Variants in DHRS12 observed in about 807,000 individuals in gnomAD.
DHRS12 encodes dehydrogenase/reductase SDR family member 12.
A neutral mutation model predicts 32.1 loss-of-function variants in DHRS12; 29 were observed. The ratio of observed to expected loss-of-function variants is 0.90; its 90% confidence interval spans 0.67 to 1.23. The LOEUF (loss-of-function observed/expected upper bound fraction) is 1.23. Ranked by LOEUF, DHRS12 falls within the 50% of genes most tolerant of loss-of-function variation. DHRS12 has a pLI of 0.00. For synonymous variants in DHRS12, 150 were observed against 135.9 expected (o/e 1.10, Z -0.72); for missense variants, 330 against 337.2 (o/e 0.98, Z 0.17).
chr13:51,763,192 T>C (rs1953643408), downstream of DHRS12: 1 of 152,196 alleles, frequency 6.6e-6, no homozygotes, highest in Non-Finnish European at 1.5e-5. Context: ...TGAACATTAC[T>C]TAGTAATGGC....
rs1955255699 is a variant in DHRS12, at chr13:51,791,270, GCA to G, written c.127-15_127-14del. The G allele has an allele frequency of 1.8e-6, 2 of 1,097,002 alleles. No homozygotes were observed. Among genetic ancestry groups the G allele is most frequent in the Admixed American group, 3.6e-5 (1 of 28,044 alleles). The allele number at this position is 1,097,002 out of a possible 1,614,324, so 68.0% of individuals were successfully genotyped here. A position where few individuals can be genotyped will look rare whatever the true frequency, so the allele number is the denominator to read the frequency against. On this transcript the variant is annotated splice_polypyrimidine_tract_variant and intron_variant, in intron 2 of 8. Transcript: ENST00000444610. ...GCAGAAAAATGTTCTAAATTAGAAAGCAAAAAAAAAAAAAACCCTTTTTAAAA... is the reference window on the plus strand; with the variant it reads ...GCAGAAAAATGTTCTAAATTAGAAAGAAAAAAAAAAAAACCCTTTTTAAAA...
rs185992242 is a variant in DHRS12 at position 51,797,846 on chromosome 13, T to C, written c.126+1688A>G. 1.8e-4 allele frequency: 283 copies of C among 1,535,630 alleles called. 1 individual carries two copies. Among genetic ancestry groups the C allele is most frequent in the Non-Finnish European group, 2.3e-4 (260 of 1,146,898 alleles). On this transcript the variant is annotated intron_variant, in intron 2 of 8. Transcript: ENST00000444610. ...CTCACCTGGTTACCGCTCTCCCGGATGATCTCACCCCTGGCATCTTCTGCT... is the reference window on the plus strand; with the variant it reads ...CTCACCTGGTTACCGCTCTCCCGGACGATCTCACCCCTGGCATCTTCTGCT...
At chr13:51,769,363 T>TTA (rs1953906983) in intron 7 of DHRS12, 70 bp from the exon 8 acceptor site, 1 of 1,013,028 alleles carries the variant, frequency 9.9e-7, no homozygotes, top group South Asian at 1.9e-5. Context: ...TCCCTTAATT[T>TTA]AAAAAAAAAA....
At chr13:51,767,919 C>G (rs1953822498), downstream of DHRS12, 2 of 1,165,070 alleles carry the variant, frequency 1.7e-6, no homozygotes, top group South Asian at 4.1e-5. Flanking sequence ...TGGTTCATCT[C>G]AAACTTCGAA....
intron 2 of DHRS12, among the ~76,000 whole-genome samples, chr13:51,795,059 C>G (rs563301853): frequency 2.7e-4 from 41 of 152,266 alleles, no homozygotes; most frequent in Admixed American, 2.0e-3. Flanking sequence ...CTCTATATGG[C>G]CAAACACCTG....
chr13:51,789,528 C>T (rs1222875699), intron 4 of DHRS12: 2 of 985,188 alleles, frequency 2.0e-6, no homozygotes, highest in African/African-American at 1.7e-5. Context: ...GGTCTGGGAA[C>T]CCCACTTGGA....
At chr13:51,774,536 TGTATTCTACA>T (rs200389204) in intron 5 of DHRS12, 1 of 29,132 alleles carries the variant, frequency 3.4e-5, no homozygotes, top group Non-Finnish European at 6.5e-5. Context: ...TTCTCCTACA[TGTATTCTACA>T]GTATTCTCCT....
At chr13:51,797,509 G>A (rs1042242458) in intron 2 of DHRS12, among the ~76,000 whole-genome samples, 11 of 152,190 alleles carry the variant, frequency 7.2e-5, no homozygotes, top group African/African-American at 2.7e-4. Flanking sequence ...GCTGTGTGTT[G>A]CTGATGTGGG....
chr13:51,791,342 T>A, intron 2 of DHRS12, 85 bp from the exon 3 acceptor site: 2 of 785,144 alleles, frequency 2.5e-6, no homozygotes, highest in Non-Finnish European at 3.9e-6. Context: ...ATACGGTTTT[T>A]AAAAAGCAAA....
Position 51,769,072 on chromosome 13 carries a change from CACG to C in DHRS12, c.697+81_697+83del, listed in dbSNP as rs960554400. On this transcript the variant is annotated intron_variant, in intron 8 of 8. Transcript: ENST00000444610. ...CAGGGGACAGTCCCACCCCAGGTTT[CACG>C]GAGGGGAAGGTGCGCCTCGAAGGCC... The C allele has an allele frequency of 7.1e-6, 11 of 1,538,514 alleles. No individual in the cohort carries two copies. In the African/African-American group the frequency reaches 1.5e-4, roughly 21 times the overall value.
chr13:51,764,902 C>T (rs566395373), downstream of DHRS12: 4 of 152,342 alleles, frequency 2.6e-5, no homozygotes, highest in African/African-American at 9.6e-5. Flanking sequence ...AGCCCTGGCC[C>T]TGTGGCAGGA....
At chr13:51,797,169 G>A (rs1045786676) in intron 2 of DHRS12, among the ~76,000 whole-genome samples, 1 of 152,200 alleles carries the variant, frequency 6.6e-6, no homozygotes, top group South Asian at 2.1e-4. Flanking sequence ...ATGGCTACAC[G>A]ATGGATCATG....
intron 8 of DHRS12, chr13:51,768,689 C>T (rs1462176635): frequency 2.7e-6 from 3 of 1,124,490 alleles, no homozygotes; most frequent in Non-Finnish European, 3.3e-6. Flanking sequence ...GTGCTGTCTT[C>T]GGATGGCGTC....
Position 51,768,009 on chromosome 13 carries a change from T to TG in DHRS12, c.*177_*178insC. 7.1e-7 allele frequency: 1 copy of TG among 1,414,944 alleles called. No individual in the cohort carries two copies. Among genetic ancestry groups the TG allele is most frequent in the African/African-American group, 1.4e-5 (1 of 69,438 alleles). 87.6% of individuals were successfully genotyped at this position (1,414,944 alleles called of 1,614,324 possible). ...CTGCAGGAGTTCAAGGTGAGCCTGA[T>TG]CACAGCCTCGGTAGTATTTATTTTG... On this transcript the variant is annotated 3_prime_UTR_variant, in exon 9 of 9. Coordinates refer to ENST00000444610, the MANE Select transcript of DHRS12 (RefSeq NM_001377533.1).
chr13:51,774,432 C>CTACATGTATTCTCCTACAG, intron 5 of DHRS12: 4 of 123,512 alleles, frequency 3.2e-5, no homozygotes, highest in South Asian at 2.8e-4. Context: ...CAGTATTCTC[C>CTACATGTATTCTCCTACAG]TACATGTATT....
intron 4 of DHRS12, among the ~76,000 whole-genome samples, chr13:51,789,153 T>C (rs1268791084): frequency 1.3e-5 from 2 of 152,166 alleles, no homozygotes; most frequent in Non-Finnish European, 2.9e-5. Flanking sequence ...GGTTGCTATA[T>C]ATTGGACACC....
At chr13:51,803,098 C>G (rs1434741039) in intron 1 of DHRS12, among the ~76,000 whole-genome samples, 1 of 152,246 alleles carries the variant, frequency 6.6e-6, no homozygotes, top group South Asian at 2.1e-4. Context: ...CCCCACCATT[C>G]TCTGCAGCAG....
At chr13:51,794,334 C>T (rs940660865) in intron 2 of DHRS12, among the ~76,000 whole-genome samples, 1 of 152,214 alleles carries the variant, frequency 6.6e-6, no homozygotes, top group Admixed American at 6.5e-5. Flanking sequence ...ACTGATCCCC[C>T]CATCAGAGCA....
intron 4 of DHRS12, among the ~76,000 whole-genome samples, chr13:51,788,616 A>G (rs1471793928): frequency 6.6e-6 from 1 of 152,098 alleles, no homozygotes; most frequent in Non-Finnish European, 1.5e-5. Context: ...AGGCTGAGGC[A>G]GGAGGATTGC....
Sources: gnomAD v4.1 joint callset for allele counts (sites outside exome capture counted in the v4.1 genomes callset) on GRCh38, gnomAD v4.1.1 for gene constraint, MANE v1.5 for transcripts, NCBI Gene and HGNC (gene_info 2026-07-23, HGNC 2026-07-21) for gene names.